The following DLGAP4 variants were observed in gnomAD, a reference collection of about 807,000 sequenced individuals.
DLGAP4 encodes the protein disks large-associated protein 4.
A neutral mutation model predicts 86.9 loss-of-function variants in DLGAP4; 18 were observed. The ratio of observed to expected loss-of-function variants is 0.21; its 90% confidence interval spans 0.14 to 0.31. The LOEUF (loss-of-function observed/expected upper bound fraction) is 0.31, where lower values mean the gene tolerates loss of function less well. DLGAP4 is among the 10% of genes least tolerant of loss of function. DLGAP4 has a pLI of 1.00. For missense variants in DLGAP4, 1,085 were observed against 1,362.6 expected, an observed-to-expected ratio of 0.80 and a Z score of 3.21; for synonymous variants, 548 against 574.3, an observed-to-expected ratio of 0.95 and a Z score of 0.65.
chr20:36,510,092 C>T (rs1449178226), intron 10 of DLGAP4, among the ~76,000 whole-genome samples: 1 of 152,046 alleles, frequency 6.6e-6, no homozygotes, highest in Non-Finnish European at 1.5e-5. Context: ...CTGCCTCAGC[C>T]TCCCAAAGTG....
chr20:36,470,477 T>G (rs1233581515), intron 7 of DLGAP4, among the ~76,000 whole-genome samples: 1 of 152,066 alleles, frequency 6.6e-6, no homozygotes, highest in Non-Finnish European at 1.5e-5. Context: ...GAGGCATCTC[T>G]GGATACGTTT....
Position 36,314,329 on chromosome 20 carries a change from T to C in DLGAP4, c.-304+7817T>C, listed in dbSNP as rs1395930362. Reference sequence around the variant, plus strand: ...GGGTCCTTCCCACTCCCTGTGTGTGTGCGTGTGTGTGTGTGTGTGTGTGTG... The same window carrying C: ...GGGTCCTTCCCACTCCCTGTGTGTGCGCGTGTGTGTGTGTGTGTGTGTGTG... On this transcript the variant is annotated intron_variant, in intron 1 of 12. Coordinates refer to ENST00000339266, the MANE Select transcript of DLGAP4 (RefSeq NM_001365621.2). Among the ~76,000 whole-genome samples the C allele has an allele frequency of 5.7e-5, 8 of 140,004 alleles. No individual in the cohort carries two copies. In the South Asian group the frequency reaches 1.7e-3, roughly 29 times the overall value. The allele number at this position is 140,004 out of a possible 152,430, so 91.8% of individuals were successfully genotyped here. A position where few individuals can be genotyped will look rare whatever the true frequency, so the allele number is the denominator to read the frequency against.
chr20:36,527,146 C>A lies in DLGAP4; in HGVS notation c.*115C>A. 1 of 1,162,054 alleles carries A rather than the reference C, an allele frequency of 8.6e-7. No individual in the cohort carries two copies. Among genetic ancestry groups the A allele is most frequent in the Non-Finnish European group, 1.2e-6 (1 of 856,188 alleles). 72.0% of individuals were successfully genotyped at this position (1,162,054 alleles called of 1,614,324 possible). ...GGTTATTCTGTCTAGAGACCCTGAG[C>A]CAACTTTCAAATTGACGCATACAAG... On this transcript the variant is annotated 3_prime_UTR_variant, in exon 13 of 13. Transcript: ENST00000339266.
chr20:36,329,098 C>T (rs916357807), intron 1 of DLGAP4, among the ~76,000 whole-genome samples: 1 of 152,042 alleles, frequency 6.6e-6, no homozygotes. Context: ...TTAGCAGAGA[C>T]GGGGCTTCAC....
At chr20:36,461,567 C>T in intron 7 of DLGAP4, 1 of 961,596 alleles carries the variant, frequency 1.0e-6, no homozygotes, top group Middle Eastern at 5.3e-4. Flanking sequence ...CTGTCCGGTC[C>T]ACGTCGTCGC....
intron 12 of DLGAP4, 64 bp from the exon 13 acceptor site, chr20:36,526,749 T>G: frequency 7.0e-7 from 1 of 1,429,242 alleles, no homozygotes; most frequent in Non-Finnish European, 9.4e-7. Context: ...ATGGTGGGGG[T>G]AGTGCCACAC....
intron 1 of DLGAP4, among the ~76,000 whole-genome samples, chr20:36,357,072 C>T (rs2030354201): frequency 6.6e-6 from 1 of 152,180 alleles, no homozygotes; most frequent in African/African-American, 2.4e-5. Flanking sequence ...CTCCCACACA[C>T]ATTTGACGAA....
intron 7 of DLGAP4, among the ~76,000 whole-genome samples, chr20:36,477,875 A>G (rs2035016390): frequency 6.6e-6 from 1 of 152,234 alleles, no homozygotes; most frequent in African/African-American, 2.4e-5. Flanking sequence ...GCCCAAGGTC[A>G]TACGGCACTT....
intron 10 of DLGAP4, among the ~76,000 whole-genome samples, chr20:36,509,613 T>TGTG (rs2036576466): frequency 2.0e-5 from 3 of 151,866 alleles, no homozygotes; most frequent in Admixed American, 6.6e-5. Context: ...AGCTGAGCAT[T>TGTG]GTGGTGTACA....
At chr20:36,469,256 A>T (rs2034551999) in intron 7 of DLGAP4, among the ~76,000 whole-genome samples, 1 of 151,190 alleles carries the variant, frequency 6.6e-6, no homozygotes, top group South Asian at 2.1e-4. Context: ...CTGACCTCCC[A>T]GAGTCTGCAG....
At chr20:36,446,980 G>C in intron 7 of DLGAP4, 43 bp downstream of exon 7, 1 of 1,561,772 alleles carries the variant, frequency 6.4e-7, no homozygotes. Context: ...TCTTTTCAAG[G>C]GGACCCCAAG....
chr20:36,363,976 G>A (rs1376623415), intron 1 of DLGAP4, among the ~76,000 whole-genome samples: 3 of 152,206 alleles, frequency 2.0e-5, no homozygotes, highest in Admixed American at 1.3e-4. Context: ...GTGCTGCAGG[G>A]CCAGGGAGGG....
intron 7 of DLGAP4, among the ~76,000 whole-genome samples, chr20:36,476,005 C>T (rs1014319838): frequency 5.9e-5 from 9 of 151,552 alleles, no homozygotes; most frequent in East Asian, 5.9e-4. Context: ...ATTGCAGGCA[C>T]GCGCCACCAC....
chr20:36,365,990 G>A (rs1301102544), intron 1 of DLGAP4, among the ~76,000 whole-genome samples: 1 of 152,178 alleles, frequency 6.6e-6, no homozygotes, highest in Non-Finnish European at 1.5e-5. Context: ...GGAGAGGGTG[G>A]AGGGTGAGGG....
chr20:36,499,801 T>C, intron 9 of DLGAP4, 125 bp downstream of exon 9: 1 of 608,832 alleles, frequency 1.6e-6, no homozygotes, highest in Non-Finnish European at 2.6e-6. Context: ...GGGTTTGGGT[T>C]GCGGGTGGTG....
At chr20:36,386,760 A>C (rs1032249416) in intron 2 of DLGAP4, among the ~76,000 whole-genome samples, 1 of 152,030 alleles carries the variant, frequency 6.6e-6, no homozygotes, top group Non-Finnish European at 1.5e-5. Flanking sequence ...CTAATTTTTT[A>C]TTTGTTGTAG....
At chr20:36,487,972 C>A (rs764374567) in intron 7 of DLGAP4, among the ~76,000 whole-genome samples, 2 of 152,068 alleles carry the variant, frequency 1.3e-5, no homozygotes, top group African/African-American at 4.8e-5. Context: ...GAGGCTGAGG[C>A]GGGTGGATCA....
chr20:36,408,659 A>G (rs1293775848), intron 2 of DLGAP4, among the ~76,000 whole-genome samples: 2 of 152,234 alleles, frequency 1.3e-5, no homozygotes, highest in Admixed American at 1.3e-4. Context: ...ACCTTTCCCC[A>G]GGCGTCTAGC....
chr20:36,462,420 T>G, intron 7 of DLGAP4: 1 of 1,493,044 alleles, frequency 6.7e-7, no homozygotes. Flanking sequence ...AAGGCCCCCC[T>G]TTGAGCCTGC....
Sources: gnomAD v4.1 joint callset for allele counts (sites outside exome capture counted in the v4.1 genomes callset) on GRCh38, gnomAD v4.1.1 for gene constraint, MANE v1.5 for transcripts, NCBI Gene and HGNC (gene_info 2026-07-23, HGNC 2026-07-21) for gene names.